Variants in CCDC191 observed in about 807,000 individuals in gnomAD.
CCDC191 encodes the protein coiled-coil domain-containing protein 191.
CCDC191 carries 99 observed loss-of-function variants against 114.0 expected under a neutral mutation model. The observed-to-expected ratio is 0.87, with a 90% CI of 0.74 to 1.03. The LOEUF (loss-of-function observed/expected upper bound fraction) is 1.03, where lower values mean the gene tolerates loss of function less well. Ranked by LOEUF, CCDC191 falls within the 50% of genes least tolerant of loss-of-function variation. CCDC191 has a pLI of 0.00. For synonymous variants in CCDC191, 351 were observed against 376.0 expected (o/e 0.93, Z 0.77); for missense variants, 973 against 1,087.0 (o/e 0.90, Z 1.47).
rs139297956 is a variant in CCDC191 at position 113,967,885 on chromosome 3, T to TGTG, written c.2607-2527_2607-2526insCAC. On this transcript the variant is annotated intron_variant, in intron 16 of 16. Coordinates refer to ENST00000295878, the MANE Select transcript of CCDC191 (RefSeq NM_020817.2). ...TAGCTCTCCCACATGAGTAAGAACATGTATTTGTCTTTCTGTGCTTGACTT... is the reference window on the plus strand; with the variant it reads ...TAGCTCTCCCACATGAGTAAGAACATGTGGTATTTGTCTTTCTGTGCTTGACTT... Among the ~76,000 whole-genome samples, 1,018 of 152,318 alleles carry TGTG rather than the reference T, an allele frequency of 6.7e-3. 14 individuals carry two copies. The highest frequency in any genetic ancestry group is 0.02 in the African/African-American group (829 of 41,562).
chr3:114,032,755 C>T (rs946772734), intron 6 of CCDC191, among the ~76,000 whole-genome samples: 1 of 152,106 alleles, frequency 6.6e-6, no homozygotes, highest in Non-Finnish European at 1.5e-5. Context: ...GTGGCTTCTC[C>T]AGTATAGAGT....
chr3:114,006,611 TA>T (rs1448065268), intron 9 of CCDC191, among the ~76,000 whole-genome samples: 12 of 125,832 alleles, frequency 9.5e-5, no homozygotes, highest in African/African-American at 2.5e-4. Flanking sequence ...TATATATATA[TA>T]TATATAAATA....
intron 15 of CCDC191, 101 bp downstream of exon 15, chr3:113,978,757 G>C (rs375244652): frequency 7.6e-7 from 1 of 1,308,606 alleles, no homozygotes; most frequent in Non-Finnish European, 1.1e-6. Context: ...TTTTGTTCTT[G>C]AAAAAACATA....
At chr3:114,034,821 CTA>C in intron 6 of CCDC191, 102 bp downstream of exon 6, 4 of 904,052 alleles carry the variant, frequency 4.4e-6, no homozygotes, top group Admixed American at 2.3e-5. Flanking sequence ...GATTTCTCTT[CTA>C]TGTTTTGTTA....
At chr3:114,013,949 T>G (rs910913563) in intron 8 of CCDC191, among the ~76,000 whole-genome samples, 3 of 152,156 alleles carry the variant, frequency 2.0e-5, no homozygotes, top group South Asian at 4.1e-4. Context: ...TACAAGAGTT[T>G]TTTTCCTGAG....
chr3:114,006,215 G>A (rs747331586), intron 9 of CCDC191, among the ~76,000 whole-genome samples: 7 of 151,790 alleles, frequency 4.6e-5, no homozygotes, highest in African/African-American at 7.3e-5. Flanking sequence ...TTGGGAGGCC[G>A]AGATGGGCAG....
chr3:113,968,874 C>T (rs1308192546), intron 16 of CCDC191, among the ~76,000 whole-genome samples: 1 of 151,928 alleles, frequency 6.6e-6, no homozygotes, highest in African/African-American at 2.4e-5. Context: ...TAAAGGAACA[C>T]CTGAGGCTGG....
chr3:114,010,885 C>T lies in CCDC191; in HGVS notation c.1300G>A (p.Asp434Asn). 6.2e-7 allele frequency: 1 copy of T among 1,614,110 alleles called. No homozygotes were observed. Among genetic ancestry groups the T allele is most frequent in the Non-Finnish European group, 8.5e-7 (1 of 1,179,958 alleles). Reference protein sequence around the residue: ...LTKEETRKKMDALLQAASLGK... With the variant: ...LTKEETRKKMNALLQAASLGK... ...AGTGATGCTGCCTGCAGCAGTGCAT[C>T]CATCTTCTTCCTAGTTTCCTCTTTT... The change falls in exon 9 of 17, where the codon GAT becomes AAT. Residue 434 changes from aspartate to asparagine, a missense_variant. Physicochemically the swap from Asp to Asn is conservative, Grantham distance 23. Coordinates refer to ENST00000295878, the MANE Select transcript of CCDC191 (RefSeq NM_020817.2).
intron 13 of CCDC191, among the ~76,000 whole-genome samples, chr3:113,981,798 C>T (rs2075161140): frequency 6.6e-6 from 1 of 152,098 alleles, no homozygotes; most frequent in Admixed American, 6.6e-5. Flanking sequence ...TACAAACTGC[C>T]TATTTCTGTG....
Position 113,988,780 on chromosome 3 carries a change from T to G in CCDC191, c.2164-7987A>C, listed in dbSNP as rs191600358. ...TATGATGTCTATAAGACATTCAATT[T>G]TATAAGGCATATATGTAAGTCTTTT... On this transcript the variant is annotated intron_variant, in intron 13 of 16. Transcript: ENST00000295878. 5.0e-3 allele frequency among the ~76,000 whole-genome samples: 767 copies of G among 152,246 alleles called. 8 individuals carry two copies. Among genetic ancestry groups the G allele is most frequent in the African/African-American group, 0.017 (694 of 41,554 alleles).
intron 7 of CCDC191, among the ~76,000 whole-genome samples, chr3:114,021,095 A>G (rs1270947758): frequency 6.6e-6 from 1 of 152,108 alleles, no homozygotes; most frequent in Non-Finnish European, 1.5e-5. Flanking sequence ...GATGACTCTA[A>G]TCTATTAGGC....
intron 13 of CCDC191, among the ~76,000 whole-genome samples, chr3:113,985,712 C>A (rs1049745791): frequency 3.9e-5 from 6 of 152,078 alleles, no homozygotes; most frequent in African/African-American, 1.2e-4. Context: ...GACCCAAAAC[C>A]AAAAGAGGAA....
chr3:113,986,402 A>C (rs1328752480), intron 13 of CCDC191, among the ~76,000 whole-genome samples: 2 of 152,268 alleles, frequency 1.3e-5, no homozygotes, highest in Non-Finnish European at 2.9e-5. Flanking sequence ...AAGTGAAATA[A>C]TTTGAAGAAA....
At position 114,047,800 on chromosome 3, in the gene CCDC191, C is replaced by A. The variant is rs564219016; in HGVS notation, c.130-1068G>T. Among the ~76,000 whole-genome samples the A allele has an allele frequency of 1.6e-4, 24 of 151,622 alleles. No homozygotes were observed. The South Asian group carries it at 5.0e-3, about 32-fold the overall frequency. ...GACCAGCCTGGCCAACACGGTGAAA[C>A]CCTGTATCTACTAAAAATACAAAAA... On this transcript the variant is annotated intron_variant, in intron 2 of 16. Transcript: ENST00000295878.
chr3:113,987,977 T>A (rs975763331), intron 13 of CCDC191, among the ~76,000 whole-genome samples: 10 of 150,872 alleles, frequency 6.6e-5, no homozygotes, highest in African/African-American at 2.4e-4. Context: ...AGGAAGCGGA[T>A]GTTGCAGTGA....
At chr3:114,032,862 A>T (rs2076426753) in intron 6 of CCDC191, among the ~76,000 whole-genome samples, 1 of 152,186 alleles carries the variant, frequency 6.6e-6, no homozygotes, top group African/African-American at 2.4e-5. Flanking sequence ...AATAGGTTCA[A>T]AAGGCCTATC....
chr3:114,022,758 C>A (rs534698578), intron 7 of CCDC191, among the ~76,000 whole-genome samples: 16 of 151,936 alleles, frequency 1.1e-4, no homozygotes, highest in Non-Finnish European at 2.1e-4. Context: ...TATGAAGTCC[C>A]TGGGGATTAG....
chr3:114,010,378 T>C (rs778372768), intron 9 of CCDC191, among the ~76,000 whole-genome samples: 2 of 152,210 alleles, frequency 1.3e-5, no homozygotes, highest in Non-Finnish European at 2.9e-5. Flanking sequence ...TTAGTACATA[T>C]GACTTTTCTT....
intron 9 of CCDC191, among the ~76,000 whole-genome samples, chr3:114,009,817 G>A (rs1421433112): frequency 6.6e-6 from 1 of 152,126 alleles, no homozygotes; most frequent in African/African-American, 2.4e-5. Flanking sequence ...TGTTCACAAT[G>A]GCGGCAAACT....
Sources: gnomAD v4.1 joint callset for allele counts (sites outside exome capture counted in the v4.1 genomes callset) on GRCh38, gnomAD v4.1.1 for gene constraint, MANE v1.5 for transcripts, NCBI Gene and HGNC (gene_info 2026-07-23, HGNC 2026-07-21) for gene names.